Variants in SOAT1 observed in about 807,000 individuals in gnomAD.
SOAT1 encodes sterol O-acyltransferase 1.
SOAT1 carries 55 observed loss-of-function variants against 69.5 expected under a neutral mutation model. The ratio of observed to expected loss-of-function variants is 0.79; its 90% CI spans 0.64 to 0.99. The LOEUF (loss-of-function observed/expected upper bound fraction) is 0.99. Among genes scored for constraint, SOAT1 ranks in the 50% least tolerant of loss-of-function variants. The pLI, the probability that SOAT1 is intolerant of heterozygous loss-of-function variation, is 0.00. For missense variants in SOAT1, 580 were observed against 669.3 expected (o/e 0.87, Z 1.47); for synonymous variants, 231 against 224.7 (o/e 1.03, Z -0.25).
chr1:179,321,093 G>A (rs1571423605), intron 2 of SOAT1, among the ~76,000 whole-genome samples: 1 of 152,100 alleles, frequency 6.6e-6, no homozygotes, highest in East Asian at 1.9e-4. Flanking sequence ...TTTTAGTAGA[G>A]GTGGGGTTTT....
chr1:179,331,656 G>A (rs141495982), intron 3 of SOAT1, among the ~76,000 whole-genome samples: 82 of 152,298 alleles, frequency 5.4e-4, no homozygotes, highest in African/African-American at 1.9e-3. Context: ...AGATGCCAAA[G>A]AGCATATACA....
Position 179,341,163 on chromosome 1 carries a change from C to T in SOAT1, c.633C>T (p.Ser211=). 2 of 1,614,108 alleles carry T rather than the reference C, an allele frequency of 1.2e-6. No homozygotes were observed. Among genetic ancestry groups the T allele is most frequent in the Non-Finnish European group, 1.7e-6 (2 of 1,179,980 alleles). ...FLFQHWATGY[S]KSSHPLIRSL... is the part of the protein sequence containing the mutation. ...TTCAACATTGGGCCACTGGCTATAG[C>T]AAGAGTTCTCATCCGCTGATCCGTT... The change falls in exon 7 of 16, where the codon AGC becomes AGT. Residue 211 remains serine, a synonymous_variant. Coordinates refer to ENST00000367619, the MANE Select transcript of SOAT1 (RefSeq NM_003101.6).
chr1:179,321,392 A>T (rs959937943), intron 2 of SOAT1, among the ~76,000 whole-genome samples: 1 of 151,616 alleles, frequency 6.6e-6, no homozygotes, highest in Non-Finnish European at 1.5e-5. Flanking sequence ...ATGGTTTCAA[A>T]CCCCTAGGCT....
chr1:179,326,962 A>G (rs554036520), intron 3 of SOAT1, among the ~76,000 whole-genome samples: 4 of 152,330 alleles, frequency 2.6e-5, no homozygotes, highest in East Asian at 1.9e-4. Flanking sequence ...ACAGGGAGCT[A>G]TTGTAATATT....
chr1:179,294,600 C>T (rs1041577986), intron 1 of SOAT1, among the ~76,000 whole-genome samples: 1 of 152,210 alleles, frequency 6.6e-6, no homozygotes, highest in Non-Finnish European at 1.5e-5. Flanking sequence ...GGCGCAATCT[C>T]GGCTCACTGC....
chr1:179,318,720 T>A (rs1481131895), intron 2 of SOAT1, among the ~76,000 whole-genome samples: 1 of 152,214 alleles, frequency 6.6e-6, no homozygotes, highest in Non-Finnish European at 1.5e-5. Flanking sequence ...ATACGATATG[T>A]AGTCTTTTGT....
chr1:179,347,704 T>C lies in SOAT1; in HGVS notation c.1215+7T>C. The C allele has an allele frequency of 6.5e-7, 1 of 1,537,094 alleles. No homozygotes were observed. Among genetic ancestry groups the C allele is most frequent in the African/African-American group, 1.4e-5 (1 of 73,330 alleles). ...TGACAGGATGTTCTATAAGGTAGTA[T>C]ATACTTAGACTTAGCTTTCTTTTTA... is the stretch of plus-strand genomic sequence containing the variant. On this transcript the variant is annotated splice_region_variant and intron_variant, in intron 12 of 15. Coordinates refer to ENST00000367619, the MANE Select transcript of SOAT1 (RefSeq NM_003101.6).
At chr1:179,342,806 T>G in intron 8 of SOAT1, 56 bp from the exon 9 acceptor site, 1 of 1,263,736 alleles carries the variant, frequency 7.9e-7, no homozygotes, top group Non-Finnish European at 1.2e-6. Context: ...CCCCCCTGTA[T>G]TTTTGCTGTG....
At chr1:179,340,904 G>A in intron 6 of SOAT1, 124 bp from the exon 7 acceptor site, 1 of 769,022 alleles carries the variant, frequency 1.3e-6, no homozygotes, top group Non-Finnish European at 2.1e-6. Flanking sequence ...CATGACTTCA[G>A]CGTATTAACG....
Position 179,323,256 on chromosome 1 carries a change from C to T in SOAT1, c.119-181C>T, listed in dbSNP as rs189049919. 7.9e-5 allele frequency among the ~76,000 whole-genome samples: 12 copies of T among 152,134 alleles called. No homozygotes were observed. In the East Asian group the frequency reaches 1.9e-3, roughly 24 times the overall value. On this transcript the variant is annotated intron_variant, in intron 2 of 15. Transcript: ENST00000367619. ...TGTGTGTACATTTACTAGTTTTGTTCTTAGTATTTTCATGTATAAATTTCC... is the reference window on the plus strand; with the variant it reads ...TGTGTGTACATTTACTAGTTTTGTTTTTAGTATTTTCATGTATAAATTTCC...
At chr1:179,340,356 C>T (rs892191216) in intron 6 of SOAT1, among the ~76,000 whole-genome samples, 1 of 152,086 alleles carries the variant, frequency 6.6e-6, no homozygotes, top group African/African-American at 2.4e-5. Flanking sequence ...GTGGCAGACA[C>T]TTGTAGTTCC....
At chr1:179,302,411 T>C (rs975541423) in intron 1 of SOAT1, among the ~76,000 whole-genome samples, 2 of 152,206 alleles carry the variant, frequency 1.3e-5, no homozygotes, top group Admixed American at 6.5e-5. Context: ...TCCCCCATGC[T>C]GTTCTCGTGA....
At chr1:179,297,316 G>C (rs1417738495) in intron 1 of SOAT1, among the ~76,000 whole-genome samples, 1 of 152,038 alleles carries the variant, frequency 6.6e-6, no homozygotes, top group Non-Finnish European at 1.5e-5. Context: ...TCCCCCAATT[G>C]TGAAATATCC....
chr1:179,326,652 G>C (rs149150535), intron 3 of SOAT1, among the ~76,000 whole-genome samples: 3 of 150,950 alleles, frequency 2.0e-5, no homozygotes, highest in Non-Finnish European at 4.4e-5. Flanking sequence ...CTGCCTCCCG[G>C]GTTCAAGTGA....
chr1:179,332,965 G>A (rs1165081434), intron 3 of SOAT1, among the ~76,000 whole-genome samples: 1 of 152,184 alleles, frequency 6.6e-6, no homozygotes, highest in Non-Finnish European at 1.5e-5. Flanking sequence ...CCCAGTGGCA[G>A]CACCTTCTAT....
rs1459193743 is a variant in SOAT1, at chr1:179,344,352, GGTTTTTTTTTTTTTTTTTTTTTTTTTTT to G, written c.988-594_988-567del. ...TATGAAGTAAGTTCTTTCATTAAGGGGTTTTTTTTTTTTTTTTTTTTTTTTTTTTTTTTTTTTTTTGAGAAGGAGTCCT... is the reference window on the plus strand; with the variant it reads ...TATGAAGTAAGTTCTTTCATTAAGGGTTTTTTTTTTTTGAGAAGGAGTCCT... On this transcript the variant is annotated intron_variant, in intron 10 of 15. Transcript: ENST00000367619. Among the ~76,000 whole-genome samples the G allele has an allele frequency of 1.7e-4, 21 of 120,556 alleles. 1 individual carries two copies. Among genetic ancestry groups the G allele is most frequent in the East Asian group, 7.5e-4 (3 of 4,024 alleles). The allele number at this position is 120,556 out of a possible 152,430, so 79.1% of individuals were successfully genotyped here. A position where few individuals can be genotyped will look rare whatever the true frequency, so the allele number is the denominator to read the frequency against.
intron 2 of SOAT1, among the ~76,000 whole-genome samples, chr1:179,321,440 G>A (rs1180650010): frequency 6.6e-6 from 1 of 152,192 alleles, no homozygotes; most frequent in Non-Finnish European, 1.5e-5. Context: ...AAAGTGTGGG[G>A]ATTGCAGGCA....
chr1:179,304,211 C>A (rs780010332), intron 2 of SOAT1, among the ~76,000 whole-genome samples: 2 of 151,818 alleles, frequency 1.3e-5, no homozygotes, highest in South Asian at 4.1e-4. Flanking sequence ...TGGGAGTAAT[C>A]CCAAAGTTCT....
chr1:179,349,141 A>G (rs1006756682), intron 13 of SOAT1, among the ~76,000 whole-genome samples, 199 bp downstream of exon 13: 3 of 152,116 alleles, frequency 2.0e-5, no homozygotes, highest in African/African-American at 7.2e-5. Flanking sequence ...CTGTGTGTAC[A>G]CTAGTAGGTC....
Sources: gnomAD v4.1 joint callset for allele counts (sites outside exome capture counted in the v4.1 genomes callset) on GRCh38, gnomAD v4.1.1 for gene constraint, MANE v1.5 for transcripts, NCBI Gene and HGNC (gene_info 2026-07-23, HGNC 2026-07-21) for gene names.